RALGAPA2: variants seen among roughly 807,000 people sequenced by gnomAD.
RALGAPA2 encodes ral GTPase-activating protein subunit alpha-2.
In RALGAPA2, 139 loss-of-function variants were observed where a neutral mutation model predicts 230.4. The observed-to-expected ratio is 0.60, with a 90% confidence interval of 0.53 to 0.69. The LOEUF (loss-of-function observed/expected upper bound fraction) is 0.69, where lower values mean the gene tolerates loss of function less well. Ranked by LOEUF, RALGAPA2 falls within the 30% of genes least tolerant of loss-of-function variation. RALGAPA2 has a pLI of 0.00. For synonymous variants in RALGAPA2, 847 were observed against 837.8 expected, an observed-to-expected ratio of 1.01 and a Z score of -0.19; for missense variants, 2,163 against 2,276.0, an observed-to-expected ratio of 0.95 and a Z score of 1.01.
intron 38 of RALGAPA2, 58 bp from the exon 39 acceptor site, chr20:20,396,792 A>G: frequency 7.3e-7 from 1 of 1,373,444 alleles, no homozygotes; most frequent in South Asian, 1.2e-5. Context: ...CACAGCTCCA[A>G]CTTGATAACT....
chr20:20,475,279 C>T (rs2061625892), intron 36 of RALGAPA2, among the ~76,000 whole-genome samples: 1 of 152,044 alleles, frequency 6.6e-6, no homozygotes, highest in African/African-American at 2.4e-5. Flanking sequence ...AAACTATGGA[C>T]TAATATCTCT....
At chr20:20,516,378 T>C (rs1223449827) in intron 31 of RALGAPA2, among the ~76,000 whole-genome samples, 1 of 152,228 alleles carries the variant, frequency 6.6e-6, no homozygotes, top group South Asian at 2.1e-4. Flanking sequence ...GTACTGCAGC[T>C]GGTGCTCTCT....
At chr20:20,529,703 C>T (rs943460778) in intron 27 of RALGAPA2, among the ~76,000 whole-genome samples, 5 of 152,168 alleles carry the variant, frequency 3.3e-5, no homozygotes, top group African/African-American at 7.2e-5. Context: ...GAGCAACAGG[C>T]CATCCCACAC....
At chr20:20,542,883 T>C (rs939615889) in intron 24 of RALGAPA2, among the ~76,000 whole-genome samples, 8 of 152,100 alleles carry the variant, frequency 5.3e-5, no homozygotes, top group South Asian at 4.1e-4. Flanking sequence ...CCAAAAGCAA[T>C]GGCAACAAAA....
chr20:20,600,937 T>C (rs2065623751), intron 16 of RALGAPA2, among the ~76,000 whole-genome samples: 1 of 152,136 alleles, frequency 6.6e-6, no homozygotes, highest in African/African-American at 2.4e-5. Flanking sequence ...CTGTTTCTAC[T>C]AAAAATACAA....
rs892009045 is a variant in RALGAPA2, at chr20:20,659,775, C to A, written c.271-6188G>T. On this transcript the variant is annotated intron_variant, in intron 3 of 39. Transcript: ENST00000202677. The stretch of plus-strand genomic sequence containing the variant: ...ACCATGCTCAGAATGAAGAAAACAG[C>A]ACACAGAAAGATGGAGAGAAGGAAA... 6 of 915,492 alleles carry A rather than the reference C, an allele frequency of 6.6e-6. No individual in the cohort carries two copies. In the African/African-American group the frequency reaches 1.0e-4, roughly 15 times the overall value. 56.7% of individuals were successfully genotyped at this position (915,492 alleles called of 1,614,324 possible). A position where few individuals can be genotyped will look rare whatever the true frequency, so the allele number is the denominator to read the frequency against.
At chr20:20,395,714 C>T (rs1288175502) in intron 39 of RALGAPA2, among the ~76,000 whole-genome samples, 4 of 152,122 alleles carry the variant, frequency 2.6e-5, no homozygotes, top group Admixed American at 6.5e-5. Context: ...GCTGGAGGGT[C>T]GGCTGGCTGT....
intron 1 of RALGAPA2, among the ~76,000 whole-genome samples, chr20:20,703,021 A>C (rs556424098): frequency 6.6e-6 from 1 of 152,192 alleles, no homozygotes; most frequent in Admixed American, 6.5e-5. Context: ...AAAAACACAA[A>C]AATTAGCCAG....
Position 20,524,532 on chromosome 20 carries a change from G to A in RALGAPA2, c.3774C>T (p.Ser1258=). 1.2e-6 allele frequency: 2 copies of A among 1,613,884 alleles called. No homozygotes were observed. Among genetic ancestry groups the A allele is most frequent in the East Asian group, 2.2e-5 (1 of 44,866 alleles). Residue 1258 remains serine (S), a synonymous_variant, in exon 30 of 40, where the codon TCC becomes TCT. Coordinates refer to ENST00000202677, the MANE Select transcript of RALGAPA2 (RefSeq NM_020343.4). Reference sequence around the variant, plus strand: ...ACCAGTCCAAGAGGCAGAGTAGCAAGGACACAATAAACTGGAAGAAGAACA... The same window carrying A: ...ACCAGTCCAAGAGGCAGAGTAGCAAAGACACAATAAACTGGAAGAAGAACA... ...SVETDKKFIV[S]LLLCLLDWCM... is the part of the protein sequence containing the mutation.
chr20:20,547,456 C>T (rs2063804637), intron 23 of RALGAPA2, among the ~76,000 whole-genome samples: 2 of 152,182 alleles, frequency 1.3e-5, no homozygotes, highest in South Asian at 4.1e-4. Flanking sequence ...GCATCATCTG[C>T]CCCAGACATC....
At chr20:20,616,239 T>A in intron 12 of RALGAPA2, 48 bp from the exon 13 acceptor site, 16 of 1,305,688 alleles carry the variant, frequency 1.2e-5, no homozygotes, top group Non-Finnish European at 1.6e-5. Flanking sequence ...AACATAAACA[T>A]TTGAATAAAT....
In RALGAPA2 at chr20:20,611,296, T is replaced by C. The variant is rs756341006; in HGVS notation, c.1800+19A>G. 1 of 1,589,936 alleles carries C rather than the reference T, an allele frequency of 6.3e-7. No individual in the cohort carries two copies. Among genetic ancestry groups the C allele is most frequent in the Non-Finnish European group, 8.6e-7 (1 of 1,167,384 alleles). ...GATTCATTTCTTGCATTTGCAGTGC[T>C]TTCATAAAAAAGACTTACCCTAAAT... is the stretch of plus-strand genomic sequence containing the variant. On this transcript the variant is annotated intron_variant, in intron 14 of 39. Transcript: ENST00000202677.
At chr20:20,591,127 C>T (rs751934600) in intron 17 of RALGAPA2, 50 bp downstream of exon 17, 1 of 1,583,142 alleles carries the variant, frequency 6.3e-7, no homozygotes, top group South Asian at 1.1e-5. Flanking sequence ...AGCTTTTATT[C>T]CTCTGCCAGA....
chr20:20,473,435 T>G (rs1237328048), intron 36 of RALGAPA2, among the ~76,000 whole-genome samples: 1 of 152,202 alleles, frequency 6.6e-6, no homozygotes, highest in Non-Finnish European at 1.5e-5. Flanking sequence ...GTCCTCATTC[T>G]TCTCGACCTT....
intron 1 of RALGAPA2, among the ~76,000 whole-genome samples, chr20:20,683,967 C>T (rs546469942): frequency 6.6e-6 from 1 of 152,304 alleles, no homozygotes; most frequent in African/African-American, 2.4e-5. Flanking sequence ...CTTAATGTAA[C>T]TTCTGAGCAC....
At chr20:20,497,255 C>T (rs1241125103) in intron 35 of RALGAPA2, among the ~76,000 whole-genome samples, 1 of 152,162 alleles carries the variant, frequency 6.6e-6, no homozygotes, top group African/African-American at 2.4e-5. Flanking sequence ...CATTACAATA[C>T]ACTCCTAAAA....
intron 37 of RALGAPA2, 132 bp from the exon 38 acceptor site, chr20:20,412,280 C>A (rs1439431480): frequency 1.6e-6 from 2 of 1,258,096 alleles, no homozygotes; most frequent in Non-Finnish European, 2.2e-6. Flanking sequence ...TACCATCTTG[C>A]AGAAAATTAA....
At chr20:20,652,526 C>T (rs2067436666) in intron 4 of RALGAPA2, among the ~76,000 whole-genome samples, 1 of 152,206 alleles carries the variant, frequency 6.6e-6, no homozygotes, top group African/African-American at 2.4e-5. Flanking sequence ...GAACTTTGCA[C>T]ACAAATGTCT....
chr20:20,542,166 C>T (rs1044035745), intron 24 of RALGAPA2, among the ~76,000 whole-genome samples: 6 of 152,038 alleles, frequency 3.9e-5, no homozygotes, highest in East Asian at 1.9e-4. Context: ...ACAACTGCTA[C>T]GAAGAGAATA....
Sources: gnomAD v4.1 joint callset for allele counts (sites outside exome capture counted in the v4.1 genomes callset) on GRCh38, gnomAD v4.1.1 for gene constraint, MANE v1.5 for transcripts, NCBI Gene and HGNC (gene_info 2026-07-23, HGNC 2026-07-21) for gene names.